Variants in DNAH8 observed in about 807,000 individuals in gnomAD.
DNAH8 encodes the protein dynein axonemal heavy chain 8, also known as axonemal beta dynein heavy chain 8.
A neutral mutation model predicts 562.1 loss-of-function variants in DNAH8; 382 were observed. The ratio of observed to expected loss-of-function variants is 0.68; its 90% CI spans 0.63 to 0.74. The LOEUF is 0.74. Among genes scored for constraint, DNAH8 ranks in the 30% least tolerant of loss-of-function variants. The pLI is 0.00. For missense variants in DNAH8, 5,203 were observed against 5,620.4 expected, an observed-to-expected ratio of 0.93 and a Z score of 2.37; for synonymous variants, 1,881 against 1,919.4, an observed-to-expected ratio of 0.98 and a Z score of 0.52.
intron 11 of DNAH8, among the ~76,000 whole-genome samples, chr6:38,767,834 C>G (rs1767165088): frequency 6.6e-6 from 1 of 152,178 alleles, no homozygotes; most frequent in Non-Finnish European, 1.5e-5. Flanking sequence ...ATTGTTGGGT[C>G]TTATGGTAAT....
chr6:38,823,346 G>A (rs1033694700), intron 27 of DNAH8, among the ~76,000 whole-genome samples: 10 of 152,148 alleles, frequency 6.6e-5, no homozygotes, highest in African/African-American at 2.4e-4. Flanking sequence ...CTGTATTTCG[G>A]TTAGAGACGC....
intron 23 of DNAH8, 73 bp from the exon 24 acceptor site, chr6:38,807,537 C>G (rs1257479833): frequency 1.6e-6 from 1 of 641,594 alleles, no homozygotes; most frequent in East Asian, 3.0e-5. Flanking sequence ...ATCTAATATT[C>G]TGTCATTGTT....
Position 38,951,535 on chromosome 6 carries a change from C to G in DNAH8, c.12451+15C>G. ...ACTGAAACTGGGTAAGACTAGCAAT[C>G]TACAAAATGTAGCAACACTTCCATA... On this transcript the variant is annotated intron_variant, in intron 82 of 92. Transcript: ENST00000327475. The G allele has an allele frequency of 1.9e-6, 3 of 1,596,078 alleles. No homozygotes were observed. Among genetic ancestry groups the G allele is most frequent in the Non-Finnish European group, 2.6e-6 (3 of 1,169,136 alleles).
At position 38,899,955 on chromosome 6, in the gene DNAH8, T is replaced by C. The variant is rs370458378; in HGVS notation, c.9194+49T>C. ...TGTTTTTCTATAGTTAATTTCTCTA[T>C]AGTTAAATGTTTAGAAAAAAAGGAA... On this transcript the variant is annotated intron_variant, in intron 62 of 92. Transcript: ENST00000327475. 5.6e-6 allele frequency: 8 copies of C among 1,422,636 alleles called. No homozygotes were observed. The African/African-American group carries it at 8.7e-5, about 16-fold the overall frequency. The allele number at this position is 1,422,636 out of a possible 1,614,324, so 88.1% of individuals were successfully genotyped here. A position where few individuals can be genotyped will look rare whatever the true frequency, so the allele number is the denominator to read the frequency against.
At chr6:39,026,787 C>T in intron 92 of DNAH8, 120 bp downstream of exon 92, 5 of 1,094,842 alleles carry the variant, frequency 4.6e-6, no homozygotes, top group Non-Finnish European at 5.3e-6. Context: ...GTGAGGGTTC[C>T]CTCCATCATA....
At chr6:38,805,418 T>C (rs1441945881) in intron 22 of DNAH8, 63 bp from the exon 23 acceptor site, 3 of 988,250 alleles carry the variant, frequency 3.0e-6, no homozygotes, top group Non-Finnish European at 4.8e-6. Context: ...GATTTGGCCA[T>C]GTAGAATACA....
chr6:38,729,367 A>G (rs1411160064), intron 3 of DNAH8, among the ~76,000 whole-genome samples: 27 of 152,294 alleles, frequency 1.8e-4, no homozygotes, highest in Admixed American at 1.5e-3. Flanking sequence ...TTAGTTTTCT[A>G]TTTACTAAGA....
chr6:39,009,036 A>G, intron 89 of DNAH8, 66 bp downstream of exon 89: 2 of 1,218,250 alleles, frequency 1.6e-6, no homozygotes, highest in Non-Finnish European at 2.3e-6. Flanking sequence ...AAGTTTGATT[A>G]CCTTGAAAAG....
chr6:38,770,652 G>A, intron 12 of DNAH8, 93 bp downstream of exon 12: 1 of 1,205,944 alleles, frequency 8.3e-7, no homozygotes, highest in Non-Finnish European at 1.1e-6. Context: ...TATTGTTCCT[G>A]ATCTCTTGTC....
At chr6:38,783,233 T>C in intron 17 of DNAH8, 94 bp downstream of exon 17, 1 of 1,107,396 alleles carries the variant, frequency 9.0e-7, no homozygotes, top group Non-Finnish European at 1.3e-6. Flanking sequence ...CCCTTCCACA[T>C]AATCTTAGGA....
intron 9 of DNAH8, among the ~76,000 whole-genome samples, chr6:38,755,615 CT>C (rs920727542): frequency 1.3e-5 from 2 of 152,124 alleles, no homozygotes; most frequent in Non-Finnish European, 2.9e-5. Flanking sequence ...GTTTCTTCAC[CT>C]TTAAAAAGAG....
chr6:38,928,505 T>C (rs1782284650), intron 74 of DNAH8, among the ~76,000 whole-genome samples: 1 of 152,242 alleles, frequency 6.6e-6, no homozygotes, highest in Non-Finnish European at 1.5e-5. Flanking sequence ...AAGAAAGCTA[T>C]TCATCCAGGG....
intron 81 of DNAH8, among the ~76,000 whole-genome samples, chr6:38,950,186 CTGCG>C (rs1761766873): frequency 1.1e-5 from 1 of 88,362 alleles, no homozygotes; most frequent in African/African-American, 5.1e-5. Context: ...GTGTGTGTGT[CTGCG>C]TGTGTGTGTG....
chr6:38,875,744 C>T lies in DNAH8; in HGVS notation c.7774C>T (p.Arg2592Trp), dbSNP rs113332942. ...ESREKLEAFLRQHESKLDLPE... is the reference protein window; with the variant it reads ...ESREKLEAFLWQHESKLDLPE... ...CAGAGAAAAGCTTGAAGCCTTCTTA[C>T]GGCAGCATGAAAGCAAGTTGGACTT... is the stretch of plus-strand genomic sequence containing the variant. The change falls in exon 53 of 93, where the codon CGG (arginine) becomes TGG (tryptophan). Residue 2592 changes from arginine to tryptophan, a missense_variant. By Grantham distance (101) the Arg-to-Trp change is moderately radical. Around this residue, in one of 6 missense-constraint regions of DNAH8, gnomAD observed 977 missense variants for 1,061.8 expected, o/e 0.92. Transcript: ENST00000327475. The T allele has an allele frequency of 1.2e-3, 1,930 of 1,613,852 alleles. 3 individuals are homozygous for T. Among genetic ancestry groups the T allele is most frequent in the Non-Finnish European group, 1.6e-3 (1,832 of 1,179,910 alleles).
chr6:38,862,910 A>G (rs1282470446), intron 44 of DNAH8, among the ~76,000 whole-genome samples: 1 of 152,206 alleles, frequency 6.6e-6, no homozygotes, highest in Non-Finnish European at 1.5e-5. Flanking sequence ...AGAGAAAAAA[A>G]TATTTGAAGA....
chr6:38,927,597 A>G (rs1782220415), intron 74 of DNAH8, among the ~76,000 whole-genome samples: 1 of 152,162 alleles, frequency 6.6e-6, no homozygotes, highest in African/African-American at 2.4e-5. Context: ...TAGTTTCTGC[A>G]GCCAGGTCAA....
At chr6:39,029,861 C>G (rs548818157) in intron 92 of DNAH8, among the ~76,000 whole-genome samples, 1 of 152,208 alleles carries the variant, frequency 6.6e-6, no homozygotes, top group South Asian at 2.1e-4. Context: ...GGGAGGCCAC[C>G]CCACACTTAA....
At position 38,923,052 on chromosome 6, in the gene DNAH8, C is replaced by A. The variant is rs757221950; in HGVS notation, c.10663-6C>A. The A allele has an allele frequency of 1.1e-5, 17 of 1,610,996 alleles. No individual in the cohort carries two copies. Among genetic ancestry groups the A allele is most frequent in the Non-Finnish European group, 1.4e-5 (17 of 1,178,930 alleles). ...TTTTTGAGACATTCTCCCATTATGG[C>A]TGCAGGATTTGCTTAATGACGCTGA... On this transcript the variant is annotated splice_region_variant and splice_polypyrimidine_tract_variant and intron_variant, in intron 71 of 92. Coordinates refer to ENST00000327475, the MANE Select transcript of DNAH8 (RefSeq NM_001206927.2).
chr6:38,798,220 G>A (rs1324135923), intron 21 of DNAH8, among the ~76,000 whole-genome samples: 1 of 152,150 alleles, frequency 6.6e-6, no homozygotes, highest in Non-Finnish European at 1.5e-5. Flanking sequence ...TTAGATAGTG[G>A]TCATGGTTGC....
Sources: gnomAD v4.1 joint callset for allele counts (sites outside exome capture counted in the v4.1 genomes callset) on GRCh38, gnomAD v4.1.1 for gene constraint, gnomAD v4.1.1 regional missense constraint, MANE v1.5 for transcripts, NCBI Gene and HGNC (gene_info 2026-07-23, HGNC 2026-07-21) for gene names.